VCAN: variants seen among roughly 807,000 people sequenced by gnomAD.
The protein encoded by VCAN is versican core protein.
In VCAN, 44 loss-of-function variants were observed where a neutral mutation model predicts 245.5. The observed-to-expected ratio is 0.18, with a 90% CI of 0.14 to 0.23. The LOEUF is 0.23. VCAN is among the 10% of genes least tolerant of loss of function. The pLI is 1.00. For synonymous variants in VCAN, 1,413 were observed against 1,437.0 expected (o/e 0.98, Z 0.38); for missense variants, 3,793 against 4,057.9 (o/e 0.93, Z 1.77).
chr5:83,557,575 A>C (rs1747721613), intron 12 of VCAN, among the ~76,000 whole-genome samples: 1 of 152,168 alleles, frequency 6.6e-6, no homozygotes. Flanking sequence ...CAACTCAACT[A>C]GTTTTTGTCT....
Position 83,538,685 on chromosome 5 carries a change from A to T in VCAN, c.5682A>T (p.Val1894=), listed in dbSNP as rs1249742611. 3 of 1,614,136 alleles carry T rather than the reference A, an allele frequency of 1.9e-6. No individual in the cohort carries two copies. In the East Asian group the frequency reaches 6.7e-5, roughly 36 times the overall value. The change falls in exon 8 of 15, where the codon GTA becomes GTT. Residue 1894 remains valine, a synonymous_variant. Coordinates refer to ENST00000265077, the MANE Select transcript of VCAN (RefSeq NM_004385.5). ...TTTTGAGTACAGTAATGGACAGAGT[A>T]GTTGCTGAAAATATAACCCAAACAT... ...GLVLSTVMDR[V]VAENITQTSR...
At chr5:83,482,142 GC>G (rs1744636164) in intron 1 of VCAN, among the ~76,000 whole-genome samples, 1 of 152,188 alleles carries the variant, frequency 6.6e-6, no homozygotes, top group Admixed American at 6.5e-5. Context: ...AAGGACTTAC[GC>G]CTTGCCTTTG....
chr5:83,520,949 T>C lies in VCAN; in HGVS notation c.2643T>C (p.Ile881=), dbSNP rs770012227. The C allele has an allele frequency of 1.2e-6, 2 of 1,614,080 alleles. No individual in the cohort carries two copies. The highest frequency in any genetic ancestry group is 1.7e-6 in the Non-Finnish European group (2 of 1,179,972). The part of the protein sequence containing the change: ...EDIAAHGKFT[I]RFQPTTSTGI... Reference sequence around the variant, plus strand: ...TAGCAGCCCATGGAAAATTCACAATTAGATTTCAGCCAACTACATCAACTG... The same window carrying C: ...TAGCAGCCCATGGAAAATTCACAATCAGATTTCAGCCAACTACATCAACTG... Residue 881 remains isoleucine, a synonymous_variant, in exon 7 of 15, where the codon ATT becomes ATC. Coordinates refer to ENST00000265077, the MANE Select transcript of VCAN (RefSeq NM_004385.5).
chr5:83,483,470 C>A, intron 1 of VCAN, 43 bp from the exon 2 acceptor site: 9 of 1,543,558 alleles, frequency 5.8e-6, no homozygotes, highest in Non-Finnish European at 8.1e-6. Flanking sequence ...CCACTTTAAA[C>A]CTGAATGCTT....
At position 83,522,077 on chromosome 5, in the gene VCAN, T is replaced by C. The variant is rs1204994354; in HGVS notation, c.3771T>C (p.His1257=). 1 of 1,614,222 alleles carries C rather than the reference T, an allele frequency of 6.2e-7. No homozygotes were observed. The highest frequency in any genetic ancestry group is 1.3e-5 in the African/African-American group (1 of 75,058). ...DMVIIGESTS[H]VPPTTLEDIV... Reference sequence around the variant, plus strand: ...TAATCATTGGAGAATCAACATCTCATGTTCCTCCCACTACCCTTGAAGATA... The same window carrying C: ...TAATCATTGGAGAATCAACATCTCACGTTCCTCCCACTACCCTTGAAGATA... The change falls in exon 7 of 15, where the codon CAT becomes CAC. Residue 1257 remains histidine, a synonymous_variant. Transcript: ENST00000265077.
At chr5:83,484,098 A>G (rs575847189) in intron 2 of VCAN, among the ~76,000 whole-genome samples, 21 of 152,324 alleles carry the variant, frequency 1.4e-4, no homozygotes, top group African/African-American at 4.8e-4. Flanking sequence ...TGAGGGCTCT[A>G]TAATTCCAAA....
intron 5 of VCAN, among the ~76,000 whole-genome samples, chr5:83,504,163 A>C (rs1745413361): frequency 6.6e-6 from 1 of 152,198 alleles, no homozygotes; most frequent in Non-Finnish European, 1.5e-5. Flanking sequence ...AAAGTCTTAC[A>C]ACATGTCTCC....
At chr5:83,518,164 A>C (rs1203093798) in intron 6 of VCAN, among the ~76,000 whole-genome samples, 2 of 152,168 alleles carry the variant, frequency 1.3e-5, no homozygotes, top group Non-Finnish European at 2.9e-5. Context: ...AACAATAACT[A>C]CAGGTTTCTT....
intron 7 of VCAN, among the ~76,000 whole-genome samples, chr5:83,530,801 A>G (rs925658651): frequency 1.3e-5 from 2 of 152,038 alleles, no homozygotes; most frequent in African/African-American, 4.8e-5. Context: ...TCATTTCTAT[A>G]GAAGTATTTG....
rs760520168 is a variant in VCAN at position 83,522,111 on chromosome 5, A to G, written c.3805A>G (p.Lys1269Glu). ...CACTACCCTTGAAGATATTGTAGCC[A>G]AGGAAACAGAAACCGATATTGATAG... is the stretch of plus-strand genomic sequence containing the variant. Reference protein sequence around the residue: ...PPTTLEDIVAKETETDIDREY... With the variant: ...PPTTLEDIVAEETETDIDREY... The change falls in exon 7 of 15, where the codon AAG becomes GAG. Residue 1269 changes from lysine to glutamate, a missense_variant. Physicochemically the swap from Lys to Glu is moderately conservative, Grantham distance 56. Coordinates refer to ENST00000265077, the MANE Select transcript of VCAN (RefSeq NM_004385.5). 1.9e-6 allele frequency: 3 copies of G among 1,614,142 alleles called. No individual in the cohort carries two copies.
In VCAN at chr5:83,541,842, A is replaced by T; in HGVS notation, c.8839A>T (p.Met2947Leu). ...TCAAGTTTCTGGAGAAGCAATCAAG[A>T]TGTTTCCCACCATTAAAACACCTGA... ...DGQVSGEAIK[M>L]FPTIKTPEAG... Residue 2947 changes from methionine (M) to leucine (L), a missense_variant, in exon 8 of 15, where the codon ATG becomes TTG. Physicochemically the swap from Met to Leu is conservative, Grantham distance 15 (BLOSUM62 2). Transcript: ENST00000265077. The T allele has an allele frequency of 6.2e-7, 1 of 1,614,116 alleles. No individual in the cohort carries two copies. Among genetic ancestry groups the T allele is most frequent in the Non-Finnish European group, 8.5e-7 (1 of 1,179,996 alleles).
rs1400193541 is a variant in VCAN at position 83,545,273 on chromosome 5, G to A, written c.9266-264G>A. Among the ~76,000 whole-genome samples the A allele has an allele frequency of 9.2e-5, 14 of 152,214 alleles. No individual in the cohort carries two copies. In the East Asian group the frequency reaches 1.5e-3, roughly 17 times the overall value. ...ACTAAATCTGCAGTAGAATATATTA[G>A]TTGCCAGATACAGTACAAAAAATAT... On this transcript the variant is annotated intron_variant, in intron 8 of 14. Coordinates refer to ENST00000265077, the MANE Select transcript of VCAN (RefSeq NM_004385.5).
At chr5:83,553,602 G>T in intron 11 of VCAN, 80 bp downstream of exon 11, 1 of 1,583,648 alleles carries the variant, frequency 6.3e-7, no homozygotes. Context: ...CAAGTGAAAA[G>T]AAGTAGCTTT....
chr5:83,577,023 T>C (rs989200642), intron 13 of VCAN, among the ~76,000 whole-genome samples: 4 of 152,162 alleles, frequency 2.6e-5, no homozygotes, highest in Non-Finnish European at 4.4e-5. Flanking sequence ...GTTGCTTGAC[T>C]TCACCCTTAC....
In VCAN at chr5:83,519,564, G is replaced by T. The variant is rs1745991069; in HGVS notation, c.1258G>T (p.Ala420Ser). ...ACCTCAGGCTATCACAGATAGTTTA[G>T]CCACCAAATTACCCACACCTACTGG... ...VQPQAITDSL[A>S]TKLPTPTGST... Residue 420 changes from alanine (A) to serine (S), a missense_variant, in exon 7 of 15, where the codon GCC becomes TCC. This residue lies in a region of VCAN where 3,182 missense variants were observed against 3,250.3 expected (regional missense o/e 0.98). Coordinates refer to ENST00000265077, the MANE Select transcript of VCAN (RefSeq NM_004385.5). 1.2e-6 allele frequency: 2 copies of T among 1,614,134 alleles called. No homozygotes were observed. Among genetic ancestry groups the T allele is most frequent in the Non-Finnish European group, 1.7e-6 (2 of 1,179,990 alleles).
chr5:83,526,414 C>T (rs985887801), intron 7 of VCAN, among the ~76,000 whole-genome samples: 5 of 152,034 alleles, frequency 3.3e-5, no homozygotes, highest in African/African-American at 1.2e-4. Flanking sequence ...TTATTGAGAG[C>T]CCCTGTATCT....
intron 3 of VCAN, among the ~76,000 whole-genome samples, chr5:83,491,894 C>T (rs1047560607): frequency 2.0e-5 from 3 of 152,178 alleles, no homozygotes; most frequent in East Asian, 1.9e-4. Flanking sequence ...TTAAACTAAT[C>T]TAAATCTATT....
chr5:83,504,536 C>G (rs187428213), intron 5 of VCAN, among the ~76,000 whole-genome samples: 1 of 152,232 alleles, frequency 6.6e-6, no homozygotes, highest in Non-Finnish European at 1.5e-5. Context: ...CATGCACCAC[C>G]ATGCCTGGCT....
intron 6 of VCAN, 125 bp from the exon 7 acceptor site, chr5:83,519,213 TCCTCTCCATCA>T (rs1466321905): frequency 2.6e-6 from 2 of 761,396 alleles, no homozygotes; most frequent in African/African-American, 3.5e-5. Flanking sequence ...GTTTTAAGAC[TCCTCTCCATCA>T]CAGAACATTT....
Sources: allele counts gnomAD v4.1 joint callset (sites outside exome capture counted in the v4.1 genomes callset), GRCh38; gene constraint gnomAD v4.1.1; regional missense constraint gnomAD v4.1.1; transcripts MANE v1.5; gene names NCBI Gene and HGNC (gene_info 2026-07-23, HGNC 2026-07-21).